AHI1: variants seen among roughly 807,000 people sequenced by gnomAD.
The protein encoded by AHI1 is jouberin.
Under a neutral mutation model 149.3 loss-of-function variants are expected in AHI1, and 123 were observed. The observed-to-expected ratio is 0.82, with a 90% CI of 0.71 to 0.96. The LOEUF is 0.96. Among genes scored for constraint, AHI1 ranks in the 40% least tolerant of loss-of-function variants. The pLI, the probability that AHI1 is intolerant of heterozygous loss-of-function variation, is 0.00. For missense variants in AHI1, 1,439 were observed against 1,422.7 expected, an observed-to-expected ratio of 1.01 and a Z score of -0.18; for synonymous variants, 475 against 459.8, an observed-to-expected ratio of 1.03 and a Z score of -0.42.
intron 18 of AHI1, 68 bp downstream of exon 18, chr6:135,429,814 T>C (rs1784395434): frequency 1.0e-6 from 1 of 988,260 alleles, no homozygotes; most frequent in African/African-American, 1.6e-5. Flanking sequence ...TACCGAATTT[T>C]ATAAATATAA....
intron 24 of AHI1, among the ~76,000 whole-genome samples, chr6:135,350,763 G>A (rs938332231): frequency 1.3e-5 from 2 of 152,124 alleles, no homozygotes; most frequent in African/African-American, 4.8e-5. Flanking sequence ...GAAGGTCTTT[G>A]GGTGAGTGGG....
At chr6:135,388,054 G>A (rs768163296) in intron 23 of AHI1, 18 of 1,612,446 alleles carry the variant, frequency 1.1e-5, no homozygotes, top group East Asian at 6.7e-5. Flanking sequence ...AATTCTTGTC[G>A]TTAAAAACTG....
At chr6:135,456,044 G>T in intron 9 of AHI1, 118 bp from the exon 10 acceptor site, 1 of 613,282 alleles carries the variant, frequency 1.6e-6, no homozygotes. Context: ...TAATACAAAA[G>T]GAAAAATTAT....
At chr6:135,390,522 G>C (rs1451339977) in intron 23 of AHI1, among the ~76,000 whole-genome samples, 1 of 152,180 alleles carries the variant, frequency 6.6e-6, no homozygotes, top group Non-Finnish European at 1.5e-5. Context: ...GAATGAAGGA[G>C]TGGCTCTAGA....
At position 135,357,029 on chromosome 6, in the gene AHI1, C is replaced by A. The variant is rs758925699; in HGVS notation, c.3165+1103G>T. On this transcript the variant is annotated intron_variant, in intron 24 of 28. Transcript: ENST00000265602. ...TCTCGGCTCACAGCAACCTTCACCT[C>A]CTGGGTTCAAGCGATTCCCCTGCCT... 6.5e-4 allele frequency among the ~76,000 whole-genome samples: 99 copies of A among 152,284 alleles called. 1 individual carries two copies. Among genetic ancestry groups the A allele is most frequent in the Non-Finnish European group, 9.1e-4 (62 of 68,028 alleles).
At chr6:135,302,763 G>C in intron 26 of AHI1, 1 of 1,288,310 alleles carries the variant, frequency 7.8e-7, no homozygotes, top group Non-Finnish European at 1.0e-6. Flanking sequence ...ACTCATGGAG[G>C]CAGAAGCAGG....
At chr6:135,300,844 A>G in intron 26 of AHI1, 1 of 1,095,096 alleles carries the variant, frequency 9.1e-7, no homozygotes, top group Non-Finnish European at 1.1e-6. Context: ...ATCAGTTGTG[A>G]ATCAGTTTAA....
chr6:135,342,082 C>G (rs1350410130), intron 24 of AHI1, among the ~76,000 whole-genome samples: 2 of 151,514 alleles, frequency 1.3e-5, no homozygotes, highest in African/African-American at 4.8e-5. Context: ...AAGGTAAGAT[C>G]CAAATTAATA....
intron 28 of AHI1, among the ~76,000 whole-genome samples, chr6:135,287,128 A>T (rs893833063): frequency 6.6e-6 from 1 of 152,106 alleles, no homozygotes; most frequent in Non-Finnish European, 1.5e-5. Flanking sequence ...AAAAACAGAA[A>T]AGGGAAGGGG....
At chr6:135,346,756 A>G (rs1314751093) in intron 24 of AHI1, among the ~76,000 whole-genome samples, 1 of 151,646 alleles carries the variant, frequency 6.6e-6, no homozygotes, top group African/African-American at 2.4e-5. Flanking sequence ...TCATTCCTTC[A>G]CTCCTTTTCT....
chr6:135,470,552 C>T (rs1485933224), intron 5 of AHI1, among the ~76,000 whole-genome samples: 1 of 152,070 alleles, frequency 6.6e-6, no homozygotes. Flanking sequence ...ATAGCAAAGA[C>T]ATGGAATCAA....
intron 24 of AHI1, among the ~76,000 whole-genome samples, chr6:135,348,361 C>T (rs564676830): frequency 6.6e-6 from 1 of 152,198 alleles, no homozygotes; most frequent in Admixed American, 6.5e-5. Context: ...AGCCTGTTAA[C>T]TCAAGGTTTG....
At position 135,448,353 on chromosome 6, in the gene AHI1, A is replaced by G; in HGVS notation, c.1563T>C (p.Cys521=). ...GTGTTGATGGGTAATGATTTCTTGG[A>G]CATTTTGACCACCATTCAAATGCCT... is the stretch of plus-strand genomic sequence containing the variant. ...VVEAFEWWSK[C]PRNHYPSTLY... Residue 521 remains cysteine (C), a synonymous_variant, in exon 12 of 29, where the codon TGT becomes TGC. Coordinates refer to ENST00000265602, the MANE Select transcript of AHI1 (RefSeq NM_001134831.2). 1 of 1,611,396 alleles carries G rather than the reference A, an allele frequency of 6.2e-7. No homozygotes were observed.
intron 23 of AHI1, among the ~76,000 whole-genome samples, chr6:135,360,715 T>C (rs1379424568): frequency 6.6e-6 from 1 of 152,238 alleles, no homozygotes; most frequent in Non-Finnish European, 1.5e-5. Context: ...AACATAATTG[T>C]GTAGGAATAT....
chr6:135,457,829 G>C lies in AHI1; in HGVS notation c.932-116C>G. ...CTCACTGTGTTCAAAGGAACTTCAG[G>C]GGGAAAGAAAGAAAAAGCCAGACAA... On this transcript the variant is annotated intron_variant, in intron 8 of 28. Transcript: ENST00000265602. 8.3e-6 allele frequency: 8 copies of C among 964,986 alleles called. No individual in the cohort carries two copies. The South Asian group carries it at 1.3e-4, about 16-fold the overall frequency. The allele number at this position is 964,986 out of a possible 1,614,324, so 59.8% of individuals were successfully genotyped here.
rs146043571 is a variant in AHI1, at chr6:135,388,936, T to C, written c.3109+5840A>G. On this transcript the variant is annotated intron_variant, in intron 23 of 28. Coordinates refer to ENST00000265602, the MANE Select transcript of AHI1 (RefSeq NM_001134831.2). Reference sequence around the variant, plus strand: ...CTGAGGCACGAGTATCACTGGAATCTGAGAGGCGGAGGTTACAGCGAGCTG... The same window carrying C: ...CTGAGGCACGAGTATCACTGGAATCCGAGAGGCGGAGGTTACAGCGAGCTG... 6.2e-3 allele frequency among the ~76,000 whole-genome samples: 931 copies of C among 150,484 alleles called. 12 individuals are homozygous for C. Among genetic ancestry groups the C allele is most frequent in the African/African-American group, 0.022 (878 of 40,748 alleles).
At chr6:135,328,252 T>C (rs993040413) in intron 24 of AHI1, among the ~76,000 whole-genome samples, 1 of 152,150 alleles carries the variant, frequency 6.6e-6, no homozygotes, top group Non-Finnish European at 1.5e-5. Context: ...GGTTGGAAAG[T>C]TTTTCCCAAA....
rs1789565404 is a variant in AHI1, at chr6:135,459,737, A to G, written c.932-2024T>C. Among the ~76,000 whole-genome samples the G allele has an allele frequency of 4.5e-5, 3 of 67,268 alleles. No individual in the cohort carries two copies. In the South Asian group the frequency reaches 3.6e-3, roughly 81 times the overall value. 44.1% of individuals were successfully genotyped at this position (67,268 alleles called of 152,430 possible). A position where few individuals can be genotyped will look rare whatever the true frequency, so the allele number is the denominator to read the frequency against. On this transcript the variant is annotated intron_variant, in intron 8 of 28. Coordinates refer to ENST00000265602, the MANE Select transcript of AHI1 (RefSeq NM_001134831.2). ...CTACAGTATATCAAATAGCTGACAGAAGTAAAAAAAAAAAAAAAAAAGATT... is the reference window on the plus strand; with the variant it reads ...CTACAGTATATCAAATAGCTGACAGGAGTAAAAAAAAAAAAAAAAAAGATT...
At chr6:135,404,852 C>T in intron 22 of AHI1, 99 bp downstream of exon 22, 2 of 1,065,998 alleles carry the variant, frequency 1.9e-6, no homozygotes, top group Non-Finnish European at 1.4e-6. Flanking sequence ...ATCAGATTAA[C>T]TCTTATAAAG....
Sources: allele counts gnomAD v4.1 joint callset (sites outside exome capture counted in the v4.1 genomes callset), GRCh38; gene constraint gnomAD v4.1.1; transcripts MANE v1.5; gene names NCBI Gene and HGNC (gene_info 2026-07-23, HGNC 2026-07-21).